DLGAP2: variants seen among roughly 807,000 people sequenced by gnomAD.
DLGAP2 encodes DLG associated protein 2, also known as disks large-associated protein 2.
Under a neutral mutation model 100.3 loss-of-function variants are expected in DLGAP2, and 26 were observed. That is an observed-to-expected ratio of 0.26 (90% CI 0.19 to 0.36). DLGAP2 has a LOEUF of 0.36. Ranked by LOEUF, DLGAP2 falls within the 10% of genes least tolerant of loss-of-function variation. The pLI, the probability that DLGAP2 is intolerant of heterozygous loss-of-function variation, is 1.00. For missense variants in DLGAP2, 1,858 were observed against 1,453.2 expected, an observed-to-expected ratio of 1.28 and a Z score of -4.53; for synonymous variants, 886 against 630.1, an observed-to-expected ratio of 1.41 and a Z score of -6.08.
At chr8:1,435,425 G>T (rs1797589251) in intron 3 of DLGAP2, among the ~76,000 whole-genome samples, 1 of 152,108 alleles carries the variant, frequency 6.6e-6, no homozygotes, top group South Asian at 2.1e-4. Context: ...TCAGCTGGAA[G>T]ACTCCTACTG....
chr8:1,509,128 C>A (rs1318157625), intron 4 of DLGAP2, among the ~76,000 whole-genome samples: 2 of 151,954 alleles, frequency 1.3e-5, no homozygotes, highest in South Asian at 4.2e-4. Flanking sequence ...GTCAGGAGAT[C>A]GAGACCATCC....
chr8:1,124,442 C>A (rs113709212), intron 2 of DLGAP2, among the ~76,000 whole-genome samples: 5 of 152,182 alleles, frequency 3.3e-5, no homozygotes, highest in Admixed American at 3.3e-4. Flanking sequence ...GAAGCTGGGC[C>A]ACTTAAGTAA....
chr8:1,169,242 T>G (rs907889969), intron 2 of DLGAP2, among the ~76,000 whole-genome samples: 16 of 152,312 alleles, frequency 1.1e-4, no homozygotes, highest in African/African-American at 3.1e-4. Flanking sequence ...TTGATCTATA[T>G]CTCTGTTTTG....
At chr8:1,241,406 G>C (rs1021797229) in intron 2 of DLGAP2, among the ~76,000 whole-genome samples, 1 of 152,216 alleles carries the variant, frequency 6.6e-6, no homozygotes, top group Non-Finnish European at 1.5e-5. Flanking sequence ...ACATGGCCCT[G>C]TGTCCAGTTC....
intron 8 of DLGAP2, among the ~76,000 whole-genome samples, chr8:1,663,064 G>A (rs1798451902): frequency 6.9e-6 from 1 of 144,034 alleles, no homozygotes; most frequent in Admixed American, 7.0e-5. Flanking sequence ...CACATAGTGT[G>A]GGGTGTGTGT....
At chr8:1,615,682 G>A (rs1046130414) in intron 6 of DLGAP2, among the ~76,000 whole-genome samples, 2 of 150,706 alleles carry the variant, frequency 1.3e-5, no homozygotes, top group East Asian at 2.0e-4. Flanking sequence ...GAACTCACCG[G>A]AAAGATCTTT....
chr8:1,446,329 C>A (rs1033306132), intron 3 of DLGAP2, among the ~76,000 whole-genome samples: 1 of 151,988 alleles, frequency 6.6e-6, no homozygotes, highest in Non-Finnish European at 1.5e-5. Flanking sequence ...GTTTTCCCAG[C>A]ACCATTTATT....
chr8:1,276,438 T>A (rs6986762), intron 3 of DLGAP2, among the ~76,000 whole-genome samples: 79,640 of 151,470 alleles, frequency 0.53, 21,090 homozygotes, highest in East Asian at 0.75. Flanking sequence ...GCTGAGTGGG[T>A]GCCGGGGAGG....
chr8:1,342,428 G>T lies in DLGAP2; in HGVS notation c.106+83545G>T, dbSNP rs578176589. Among the ~76,000 whole-genome samples the T allele has an allele frequency of 7.2e-5, 11 of 152,320 alleles. 2 individuals carry two copies. The South Asian group carries it at 2.3e-3, about 32-fold the overall frequency. On this transcript the variant is annotated intron_variant, in intron 3 of 14. Coordinates refer to ENST00000637795, the MANE Select transcript of DLGAP2 (RefSeq NM_001346810.2). ...TGTAATACATTGTAGTGTACATAGT[G>T]TTGACCCACTCTGTTGTTATTGAAT...
chr8:890,443 G>T (rs1328877772), intron 1 of DLGAP2, among the ~76,000 whole-genome samples: 3 of 151,964 alleles, frequency 2.0e-5, no homozygotes, highest in Non-Finnish European at 4.4e-5. Flanking sequence ...TGCCTCTCCA[G>T]CCTGATGGAA....
intron 2 of DLGAP2, among the ~76,000 whole-genome samples, chr8:924,420 A>G (rs1404923624): frequency 6.6e-6 from 1 of 151,954 alleles, no homozygotes; most frequent in African/African-American, 2.4e-5. Flanking sequence ...GGGGAGGGAC[A>G]ATGTTGTGGG....
chr8:1,672,513 C>T (rs1798716378), intron 10 of DLGAP2, among the ~76,000 whole-genome samples: 1 of 152,232 alleles, frequency 6.6e-6, no homozygotes, highest in South Asian at 2.1e-4. Context: ...CAGGCATGAG[C>T]CTCCATGCCC....
chr8:1,478,543 G>T lies in DLGAP2; in HGVS notation c.107-22823G>T, dbSNP rs969484838. ...TATTCCTCTCTCCATCGACACCATAGATGCCCAGGGCAATGGTCAAACCAA... is the reference window on the plus strand; with the variant it reads ...TATTCCTCTCTCCATCGACACCATATATGCCCAGGGCAATGGTCAAACCAA... On this transcript the variant is annotated intron_variant, in intron 3 of 14. Transcript: ENST00000637795. Among the ~76,000 whole-genome samples the T allele has an allele frequency of 3.9e-5, 6 of 152,308 alleles. No individual in the cohort carries two copies. In the East Asian group the frequency reaches 1.2e-3, roughly 29 times the overall value.
chr8:1,310,429 G>T (rs1800587654), intron 3 of DLGAP2, among the ~76,000 whole-genome samples: 1 of 152,154 alleles, frequency 6.6e-6, no homozygotes, highest in African/African-American at 2.4e-5. Context: ...ATAGCTGGAG[G>T]CTGGAATGAA....
intron 2 of DLGAP2, among the ~76,000 whole-genome samples, chr8:946,973 G>C (rs1293059939): frequency 6.6e-6 from 1 of 152,130 alleles, no homozygotes; most frequent in Non-Finnish European, 1.5e-5. Flanking sequence ...CTGGGACGTC[G>C]GGTAGCAGCA....
intron 3 of DLGAP2, among the ~76,000 whole-genome samples, chr8:1,409,436 A>T (rs1028769326): frequency 1.3e-5 from 2 of 152,230 alleles, no homozygotes; most frequent in African/African-American, 4.8e-5. Flanking sequence ...GCTGAGAACC[A>T]ACCGGAAGAA....
Position 1,254,098 on chromosome 8 carries a change from G to T in DLGAP2, c.74-4753G>T, listed in dbSNP as rs142342201. On this transcript the variant is annotated intron_variant, in intron 2 of 14. Transcript: ENST00000637795. ...GGGGCACTGAGTGGGGACAGCCATG[G>T]CCAGGGGGGCCAAGTTGAACCCAGT... Among the ~76,000 whole-genome samples, 296 of 152,336 alleles carry T rather than the reference G, an allele frequency of 1.9e-3. 2 individuals carry two copies. Among genetic ancestry groups the T allele is most frequent in the Admixed American group, 7.2e-3 (111 of 15,312 alleles).
At chr8:801,844 T>C (rs1351959929) in intron 1 of DLGAP2, among the ~76,000 whole-genome samples, 1 of 152,106 alleles carries the variant, frequency 6.6e-6, no homozygotes, top group Non-Finnish European at 1.5e-5. Context: ...GCCACCCAGG[T>C]GGCTGTGCCC....
intron 1 of DLGAP2, among the ~76,000 whole-genome samples, chr8:826,351 A>G (rs541978038): frequency 1.3e-5 from 2 of 151,896 alleles, no homozygotes; most frequent in Admixed American, 1.3e-4. Context: ...ATTGATTTTC[A>G]TTGTTGTGTT....
Sources: gnomAD v4.1 joint callset for allele counts (sites outside exome capture counted in the v4.1 genomes callset) on GRCh38, gnomAD v4.1.1 for gene constraint, MANE v1.5 for transcripts, NCBI Gene and HGNC (gene_info 2026-07-23, HGNC 2026-07-21) for gene names.